Variants in BABAM2 observed in about 807,000 individuals in gnomAD.
The protein encoded by BABAM2 is BRISC and BRCA1 A complex member 2.
BABAM2 carries 31 observed loss-of-function variants against 54.7 expected under a neutral mutation model. The observed-to-expected ratio is 0.57, with a 90% confidence interval of 0.43 to 0.77. The LOEUF is 0.77. Ranked by LOEUF, BABAM2 falls within the 30% of genes least tolerant of loss-of-function variation. The pLI is 0.00. For missense variants in BABAM2, 364 were observed against 455.8 expected (o/e 0.80, Z 1.83); for synonymous variants, 167 against 162.9 (o/e 1.03, Z -0.19).
intron 8 of BABAM2, among the ~76,000 whole-genome samples, chr2:28,239,322 T>A (rs947765972): frequency 6.6e-6 from 1 of 152,228 alleles, no homozygotes; most frequent in African/African-American, 2.4e-5. Flanking sequence ...GCACTTTATC[T>A]TGAGCTTTTG....
intron 10 of BABAM2, among the ~76,000 whole-genome samples, chr2:28,294,493 C>A (rs916720275): frequency 6.6e-6 from 1 of 152,056 alleles, no homozygotes; most frequent in East Asian, 1.9e-4. Flanking sequence ...AGCAAGTTAG[C>A]TGTTGGAAGT....
chr2:27,935,198 A>T (rs1668403777), intron 3 of BABAM2, among the ~76,000 whole-genome samples: 1 of 152,258 alleles, frequency 6.6e-6, no homozygotes, highest in Non-Finnish European at 1.5e-5. Context: ...GAAAATCCTA[A>T]GGCCCATAAG....
chr2:28,188,679 C>G (rs1348140817), intron 7 of BABAM2, among the ~76,000 whole-genome samples: 1 of 152,150 alleles, frequency 6.6e-6, no homozygotes, highest in East Asian at 1.9e-4. Flanking sequence ...GTTCTGCCAC[C>G]TAGATACACG....
chr2:28,029,903 A>G (rs551016908), intron 5 of BABAM2, among the ~76,000 whole-genome samples: 1 of 152,314 alleles, frequency 6.6e-6, no homozygotes, highest in South Asian at 2.1e-4. Context: ...GTTGAACTTA[A>G]TTTAGCCTCT....
chr2:28,213,411 A>C (rs1457323494), intron 7 of BABAM2, among the ~76,000 whole-genome samples: 1 of 152,156 alleles, frequency 6.6e-6, no homozygotes, highest in Non-Finnish European at 1.5e-5. Flanking sequence ...TGAGACATAC[A>C]TGCAAATTGT....
intron 6 of BABAM2, among the ~76,000 whole-genome samples, chr2:28,098,551 C>G (rs1303763824): frequency 6.6e-6 from 1 of 151,944 alleles, no homozygotes; most frequent in African/African-American, 2.4e-5. Flanking sequence ...ATTCTTGTTC[C>G]TCTCCAATAT....
intron 4 of BABAM2, among the ~76,000 whole-genome samples, chr2:28,011,851 G>C (rs935217838): frequency 1.3e-5 from 2 of 151,976 alleles, no homozygotes; most frequent in South Asian, 4.1e-4. Flanking sequence ...ATCTTGATCT[G>C]GGAGAATGGA....
chr2:28,254,029 G>A (rs1218703909), intron 10 of BABAM2, among the ~76,000 whole-genome samples: 1 of 152,200 alleles, frequency 6.6e-6, no homozygotes. Context: ...TTTAGACATA[G>A]TGAATGTGGT....
intron 1 of BABAM2, 113 bp from the exon 2 acceptor site, chr2:27,894,420 T>C: frequency 1.9e-6 from 2 of 1,052,446 alleles, no homozygotes; most frequent in Non-Finnish European, 2.8e-6. Context: ...AGATGGGAAA[T>C]GAATTATTTA....
chr2:28,022,426 A>G (rs991006138), intron 4 of BABAM2, among the ~76,000 whole-genome samples: 1 of 152,252 alleles, frequency 6.6e-6, no homozygotes, highest in Non-Finnish European at 1.5e-5. Flanking sequence ...GTCTTTAAAA[A>G]GAATTGGCGT....
intron 6 of BABAM2, among the ~76,000 whole-genome samples, chr2:28,068,241 T>C (rs1663798864): frequency 6.6e-6 from 1 of 152,232 alleles, no homozygotes; most frequent in African/African-American, 2.4e-5. Context: ...ATTATTTTTA[T>C]GGCTATTGCA....
intron 4 of BABAM2, among the ~76,000 whole-genome samples, chr2:27,996,083 CTG>C (rs1342743515): frequency 6.6e-6 from 1 of 152,056 alleles, no homozygotes; most frequent in East Asian, 1.9e-4. Context: ...TTTGATTTTT[CTG>C]TGTGTGTTTC....
intron 4 of BABAM2, among the ~76,000 whole-genome samples, chr2:28,022,184 A>T (rs1178331744): frequency 1.3e-5 from 2 of 152,222 alleles, no homozygotes; most frequent in Non-Finnish European, 1.5e-5. Flanking sequence ...ATGAACTTGG[A>T]GCACTGGTCC....
intron 11 of BABAM2, among the ~76,000 whole-genome samples, chr2:28,317,787 G>A (rs1056831139): frequency 2.0e-5 from 3 of 152,160 alleles, no homozygotes; most frequent in Admixed American, 6.5e-5. Context: ...ACAGACAAGT[G>A]CCAGTGGCTT....
chr2:28,115,594 C>G (rs1668543656), intron 6 of BABAM2, among the ~76,000 whole-genome samples: 1 of 151,118 alleles, frequency 6.6e-6, no homozygotes, highest in Admixed American at 6.6e-5. Flanking sequence ...CCACTGCACT[C>G]CAGCCTGGTG....
chr2:28,118,898 T>C (rs1176226138), intron 6 of BABAM2, among the ~76,000 whole-genome samples: 1 of 152,022 alleles, frequency 6.6e-6, no homozygotes, highest in Admixed American at 6.5e-5. Context: ...AGTTAATTTT[T>C]GTATAAGGTG....
chr2:27,921,327 TC>T (rs1423763623), intron 2 of BABAM2, among the ~76,000 whole-genome samples: 1 of 152,196 alleles, frequency 6.6e-6, no homozygotes, highest in Non-Finnish European at 1.5e-5. Flanking sequence ...TATTTTGTCA[TC>T]TTTTACTTCT....
At chr2:27,969,116 T>A (rs1023326947) in intron 3 of BABAM2, among the ~76,000 whole-genome samples, 1 of 152,158 alleles carries the variant, frequency 6.6e-6, no homozygotes. Context: ...GATGGTTCTA[T>A]AAGGGGGAGT....
At chr2:27,988,767 GTT>G (rs1399450245) in intron 4 of BABAM2, among the ~76,000 whole-genome samples, 1 of 152,076 alleles carries the variant, frequency 6.6e-6, no homozygotes, top group Admixed American at 6.5e-5. Flanking sequence ...ATGCCATTTT[GTT>G]TAAATGGTTC....
Sources: allele counts gnomAD v4.1 joint callset (sites outside exome capture counted in the v4.1 genomes callset), GRCh38; gene constraint gnomAD v4.1.1; transcripts MANE v1.5; gene names NCBI Gene and HGNC (gene_info 2026-07-23, HGNC 2026-07-21).